MYT1L: variants seen among roughly 807,000 people sequenced by gnomAD.
MYT1L encodes myelin transcription factor 1 like.
MYT1L carries 12 observed loss-of-function variants against 126.7 expected under a neutral mutation model. That is an observed-to-expected ratio of 0.09 (90% confidence interval 0.06 to 0.15). The LOEUF is 0.15. Ranked by LOEUF, MYT1L falls within the 10% of genes least tolerant of loss-of-function variation. MYT1L has a pLI of 1.00. For missense variants in MYT1L, 979 were observed against 1,585.2 expected (o/e 0.62, Z 6.49); for synonymous variants, 541 against 604.2 (o/e 0.90, Z 1.53).
At position 2,139,697 on chromosome 2, in the gene MYT1L, G is replaced by A. The variant is rs980928852; in HGVS notation, c.-304+33175C>T. Among the ~76,000 whole-genome samples, 22 of 152,130 alleles carry A rather than the reference G, an allele frequency of 1.4e-4. 1 individual carries two copies. Among genetic ancestry groups the A allele is most frequent in the Admixed American group, 9.8e-4 (15 of 15,272 alleles). ...AAAAGTGCATGTCCAGGCACCGGGA[G>A]ACGTCCGCACTGCACAAGAGGCAGT... On this transcript the variant is annotated intron_variant, in intron 3 of 24. Coordinates refer to ENST00000647738, the MANE Select transcript of MYT1L (RefSeq NM_001303052.2).
chr2:2,041,968 A>C (rs941744430), intron 4 of MYT1L, among the ~76,000 whole-genome samples: 2 of 152,140 alleles, frequency 1.3e-5, no homozygotes, highest in Admixed American at 6.5e-5. Context: ...CTCTTTTACC[A>C]AAAAAATCAT....
intron 21 of MYT1L, among the ~76,000 whole-genome samples, chr2:1,814,394 G>A (rs1027623989): frequency 3.9e-5 from 6 of 152,220 alleles, no homozygotes; most frequent in South Asian, 2.1e-4. Flanking sequence ...CTCCCGGGAC[G>A]TGGACATGGG....
intron 18 of MYT1L, among the ~76,000 whole-genome samples, chr2:1,883,578 C>T (rs1332868118): frequency 2.6e-5 from 4 of 152,106 alleles, no homozygotes; most frequent in African/African-American, 7.2e-5. Flanking sequence ...TATTCTTTTT[C>T]GCTTTTTGGC....
chr2:1,903,144 A>G lies in MYT1L; in HGVS notation c.1968T>C (p.Tyr656=), dbSNP rs527880727. Residue 656 remains tyrosine (Y), a synonymous_variant, in exon 14 of 25, where the codon TAT becomes TAC. Coordinates refer to ENST00000647738, the MANE Select transcript of MYT1L (RefSeq NM_001303052.2). ...CCTTGGGAGCTATGGCTCGCTTGCC[A>G]TAAGTATGGTTGTCGTAACTGTTGT... The part of the protein sequence containing the change: ...FEYNSYDNHT[Y]GKRAIAPKVQ... The G allele has an allele frequency of 3.1e-5, 50 of 1,614,024 alleles. No homozygotes were observed. In the East Asian group the frequency reaches 4.5e-4, roughly 14 times the overall value.
intron 3 of MYT1L, among the ~76,000 whole-genome samples, chr2:2,160,670 C>T (rs538662735): frequency 2.6e-5 from 4 of 152,260 alleles, no homozygotes; most frequent in African/African-American, 7.2e-5. Context: ...ATCAAAGCTG[C>T]GGTGGCTTAG....
intron 3 of MYT1L, among the ~76,000 whole-genome samples, chr2:2,112,662 T>G (rs572837814): frequency 6.6e-6 from 1 of 152,272 alleles, no homozygotes; most frequent in East Asian, 1.9e-4. Context: ...CAGGCAACAC[T>G]GACGCTGATG....
chr2:2,143,334 CAA>C (rs2084332777), intron 3 of MYT1L, among the ~76,000 whole-genome samples: 1 of 141,404 alleles, frequency 7.1e-6, no homozygotes, highest in Non-Finnish European at 1.6e-5. Context: ...AGTTTAAAAA[CAA>C]AGAGAGGAAT....
intron 1 of MYT1L, among the ~76,000 whole-genome samples, chr2:2,323,478 C>A (rs1032729391): frequency 6.6e-6 from 1 of 152,002 alleles, no homozygotes; most frequent in Non-Finnish European, 1.5e-5. Context: ...CTTGCCTTTT[C>A]GGGAGAATAG....
At chr2:2,319,536 C>T (rs1046856638) in intron 1 of MYT1L, among the ~76,000 whole-genome samples, 1 of 152,052 alleles carries the variant, frequency 6.6e-6, no homozygotes, top group African/African-American at 2.4e-5. Context: ...TGAAATCATA[C>T]GTGCCGTTGA....
chr2:2,215,084 T>C (rs575528459), intron 2 of MYT1L, among the ~76,000 whole-genome samples: 2 of 151,988 alleles, frequency 1.3e-5, no homozygotes, highest in East Asian at 1.9e-4. Context: ...TTATGCATAA[T>C]AAACCTATGA....
chr2:1,969,046 C>A (rs899195438), intron 8 of MYT1L, among the ~76,000 whole-genome samples: 1 of 152,236 alleles, frequency 6.6e-6, no homozygotes. Context: ...AAAATATAGC[C>A]TCCTGCACAG....
At chr2:1,971,895 CA>C (rs1387568155) in intron 8 of MYT1L, among the ~76,000 whole-genome samples, 1 of 152,194 alleles carries the variant, frequency 6.6e-6, no homozygotes, top group Non-Finnish European at 1.5e-5. Context: ...TTCTCTTCTT[CA>C]CCCAAGTAAA....
intron 22 of MYT1L, among the ~76,000 whole-genome samples, chr2:1,804,663 T>A (rs990256607): frequency 6.6e-6 from 1 of 152,174 alleles, no homozygotes; most frequent in African/African-American, 2.4e-5. Context: ...GAGACCAGTG[T>A]CCCATGGTGA....
intron 2 of MYT1L, among the ~76,000 whole-genome samples, chr2:2,236,900 G>C (rs999312784): frequency 6.7e-6 from 1 of 150,046 alleles, no homozygotes; most frequent in South Asian, 2.1e-4. Context: ...TGTAACCTCT[G>C]CCTTCCAGGT....
chr2:2,045,068 T>C (rs2150042654), intron 4 of MYT1L, among the ~76,000 whole-genome samples: 1 of 152,296 alleles, frequency 6.6e-6, no homozygotes, highest in East Asian at 1.9e-4. Context: ...GCAAGGTACC[T>C]GATAATAGAC....
At chr2:2,073,594 C>T (rs570738013) in intron 3 of MYT1L, among the ~76,000 whole-genome samples, 1 of 152,206 alleles carries the variant, frequency 6.6e-6, no homozygotes, top group Admixed American at 6.5e-5. Context: ...CTAAGGTCCT[C>T]GGCTCCTAGT....
chr2:2,266,343 A>T (rs376378143), intron 2 of MYT1L, among the ~76,000 whole-genome samples: 7 of 152,200 alleles, frequency 4.6e-5, no homozygotes, highest in East Asian at 1.9e-4. Context: ...TGGAATTTGC[A>T]TCAGGAGCAG....
chr2:1,799,453 C>T (rs892912176), intron 23 of MYT1L, among the ~76,000 whole-genome samples: 1 of 152,214 alleles, frequency 6.6e-6, no homozygotes, highest in Admixed American at 6.5e-5. Context: ...ACTTCATCCA[C>T]AGCTGGCATC....
At chr2:1,890,798 G>A (rs929046993) in intron 15 of MYT1L, among the ~76,000 whole-genome samples, 3 of 152,286 alleles carry the variant, frequency 2.0e-5, no homozygotes, top group African/African-American at 4.8e-5. Context: ...ACAGCAGAAG[G>A]AAGATGCTTG....
Sources: gnomAD v4.1 joint callset for allele counts (sites outside exome capture counted in the v4.1 genomes callset) on GRCh38, gnomAD v4.1.1 for gene constraint, MANE v1.5 for transcripts, NCBI Gene and HGNC (gene_info 2026-07-23, HGNC 2026-07-21) for gene names.